Variants in C14orf132 observed in about 807,000 individuals in gnomAD.
The protein encoded by C14orf132 is uncharacterized protein C14orf132.
Under a neutral mutation model 5.8 loss-of-function variants are expected in C14orf132, and 6 were observed. The ratio of observed to expected loss-of-function variants is 1.03; its 90% CI spans 0.57 to 2.04. The LOEUF is 2.04. C14orf132 is among the 30% of genes most tolerant of loss of function. C14orf132 has a pLI of 0.00. For synonymous variants in C14orf132, 51 were observed against 49.8 expected (o/e 1.02, Z -0.10); for missense variants, 125 against 115.8 (o/e 1.08, Z -0.37).
Position 96,063,454 on chromosome 14 carries a change from A to G in C14orf132, c.28-23057A>G, listed in dbSNP as rs187742139. 1.3e-3 allele frequency among the ~76,000 whole-genome samples: 195 copies of G among 152,168 alleles called. 3 individuals carry two copies. The highest frequency in any genetic ancestry group is 4.5e-3 in the African/African-American group (188 of 41,466). Reference sequence around the variant, plus strand: ...CTCCCCAGTAGTTGAGACTACAGGCAAACGCCACCACGTCGGGCTAATTTT... The same window carrying G: ...CTCCCCAGTAGTTGAGACTACAGGCGAACGCCACCACGTCGGGCTAATTTT... On this transcript the variant is annotated intron_variant, in intron 1 of 1. Transcript: ENST00000555004.
At chr14:96,084,450 C>G (rs1181967427) in intron 1 of C14orf132, among the ~76,000 whole-genome samples, 1 of 152,152 alleles carries the variant, frequency 6.6e-6, no homozygotes, top group African/African-American at 2.4e-5. Flanking sequence ...GCAAAGGCAC[C>G]GATGATGTCG....
Position 96,039,731 on chromosome 14 carries a change from G to T in C14orf132, c.27+204G>T, listed in dbSNP as rs965576903. On this transcript the variant is annotated intron_variant, in intron 1 of 1. Transcript: ENST00000555004. The surrounding 1 kb of genome is among the most constrained non-coding windows in gnomAD (Gnocchi z 5.3). ...TCTCCCGGGGTGGGGCGGGCTGCGCGCCCCGCACCCCCGCGGCTCGAGCTG... is the reference window on the plus strand; with the variant it reads ...TCTCCCGGGGTGGGGCGGGCTGCGCTCCCCGCACCCCCGCGGCTCGAGCTG... Among the ~76,000 whole-genome samples, 1 of 152,110 alleles carries T rather than the reference G, an allele frequency of 6.6e-6. No individual in the cohort carries two copies. Among genetic ancestry groups the T allele is most frequent in the South Asian group, 2.1e-4 (1 of 4,824 alleles).
chr14:96,049,613 T>TATATATAC lies in C14orf132; in HGVS notation c.27+10091_27+10092insTACATATA, dbSNP rs1349681764. On this transcript the variant is annotated intron_variant, in intron 1 of 1. Coordinates refer to ENST00000555004, the MANE Select transcript of C14orf132 (RefSeq NM_001252507.3). ...ATACATATATACGTATATATATACA[T>TATATATAC]ATATACGTATATATATACATATATA... Among the ~76,000 whole-genome samples the TATATATAC allele has an allele frequency of 5.4e-5, 6 of 111,728 alleles. 1 individual carries two copies. Among genetic ancestry groups the TATATATAC allele is most frequent in the African/African-American group, 1.5e-4 (4 of 26,092 alleles). The allele number at this position is 111,728 out of a possible 152,430, so 73.3% of individuals were successfully genotyped here.
In C14orf132 at chr14:96,043,445, G is replaced by A. The variant is rs530308543; in HGVS notation, c.27+3918G>A. 9.9e-5 allele frequency among the ~76,000 whole-genome samples: 15 copies of A among 152,226 alleles called. No individual in the cohort carries two copies. In the South Asian group the frequency reaches 1.5e-3, roughly 15 times the overall value. ...TAACTCTCCTGTTAAAGCATGCCTCGGGTCTAAAAGCTCAACCTTCTTTTT... is the reference window on the plus strand; with the variant it reads ...TAACTCTCCTGTTAAAGCATGCCTCAGGTCTAAAAGCTCAACCTTCTTTTT... On this transcript the variant is annotated intron_variant, in intron 1 of 1. Coordinates refer to ENST00000555004, the MANE Select transcript of C14orf132 (RefSeq NM_001252507.3).
At chr14:96,043,616 G>A (rs1345034377) in intron 1 of C14orf132, among the ~76,000 whole-genome samples, 1 of 152,128 alleles carries the variant, frequency 6.6e-6, no homozygotes, top group Non-Finnish European at 1.5e-5. Context: ...AGGGGTGGGA[G>A]CCAGGCACCA....
rs1001335433 is a variant in C14orf132, at chr14:96,039,366, G to C, written c.-135G>C. Reference sequence around the variant, plus strand: ...GCCTAGTAGAGATCTGGAGCCAGAAGCCCAGAGACAGCCGAGTGCGCCGTG... The same window carrying C: ...GCCTAGTAGAGATCTGGAGCCAGAACCCCAGAGACAGCCGAGTGCGCCGTG... On this transcript the variant is annotated 5_prime_UTR_variant, in exon 1 of 2. Transcript: ENST00000555004. This position sits in a 1 kb window ranked among gnomAD's most constrained non-coding sequence, Gnocchi z 5.3. 3.7e-5 allele frequency: 28 copies of C among 763,790 alleles called. No homozygotes were observed. Among genetic ancestry groups the C allele is most frequent in the Non-Finnish European group, 4.4e-5 (25 of 569,182 alleles). 47.3% of individuals were successfully genotyped at this position (763,790 alleles called of 1,614,324 possible). A position where few individuals can be genotyped will look rare whatever the true frequency, so the allele number is the denominator to read the frequency against.
chr14:96,073,566 T>C (rs760565951), intron 1 of C14orf132, among the ~76,000 whole-genome samples: 4 of 152,222 alleles, frequency 2.6e-5, no homozygotes, highest in Non-Finnish European at 5.9e-5. Context: ...AGAAAAAGAA[T>C]GCTTTTATAC....
intron 1 of C14orf132, among the ~76,000 whole-genome samples, chr14:96,078,548 T>G (rs1451529829): frequency 6.6e-6 from 1 of 152,212 alleles, no homozygotes; most frequent in Non-Finnish European, 1.5e-5. Flanking sequence ...TTGCCTGGGC[T>G]TACTCTATCT....
In C14orf132 at chr14:96,074,228, T is replaced by C. The variant is rs145960887; in HGVS notation, c.28-12283T>C. On this transcript the variant is annotated intron_variant, in intron 1 of 1. Coordinates refer to ENST00000555004, the MANE Select transcript of C14orf132 (RefSeq NM_001252507.3). ...AACAAAGTGGGTTGTTTTCTTATTG[T>C]TGAGTTTTCAGTGTTCTTTATATAT... Among the ~76,000 whole-genome samples, 99 of 152,358 alleles carry C rather than the reference T, an allele frequency of 6.5e-4. 1 individual carries two copies. In the East Asian group the frequency reaches 0.016, roughly 25 times the overall value.
At chr14:96,077,624 G>A in intron 1 of C14orf132, among the ~76,000 whole-genome samples, 1 of 152,188 alleles carries the variant, frequency 6.6e-6, no homozygotes, top group Admixed American at 6.5e-5. Flanking sequence ...CCAGGACTGT[G>A]AGGATGTAAA....
At chr14:96,082,118 G>A (rs1009986907) in intron 1 of C14orf132, among the ~76,000 whole-genome samples, 9 of 152,084 alleles carry the variant, frequency 5.9e-5, no homozygotes, top group Admixed American at 1.3e-4. Flanking sequence ...TTAGGCTCAC[G>A]CCCCCAAATC....
At chr14:96,055,833 A>C (rs1020951182) in intron 1 of C14orf132, among the ~76,000 whole-genome samples, 1 of 152,062 alleles carries the variant, frequency 6.6e-6, no homozygotes. Context: ...TCCCTCCCCG[A>C]CTTAGTCCTC....
In C14orf132 at chr14:96,090,727, CG is replaced by C. The variant is rs552384750; in HGVS notation, c.*3993del. 2.2e-6 allele frequency: 1 copy of C among 455,948 alleles called. No individual in the cohort carries two copies. The highest frequency in any genetic ancestry group is 4.4e-6 in the Non-Finnish European group (1 of 226,800). The allele number at this position is 455,948 out of a possible 1,614,324, so 28.2% of individuals were successfully genotyped here. A position where few individuals can be genotyped will look rare whatever the true frequency, so the allele number is the denominator to read the frequency against. On this transcript the variant is annotated 3_prime_UTR_variant, in exon 2 of 2. Transcript: ENST00000555004. ...GATGGGAGGAGGGGCAGCAGCATTT[CG>C]CTGGAAAGGCAGCAGATGCTTTTCC...
intron 1 of C14orf132, among the ~76,000 whole-genome samples, chr14:96,078,512 G>T (rs936555818): frequency 2.0e-5 from 3 of 152,166 alleles, no homozygotes. Context: ...TTCTTGCCAG[G>T]GGCCTCGGCC....
intron 1 of C14orf132, among the ~76,000 whole-genome samples, chr14:96,073,049 T>C (rs1887757137): frequency 6.6e-6 from 1 of 152,220 alleles, no homozygotes; most frequent in Admixed American, 6.5e-5. Context: ...TTGTAAGAAC[T>C]GGCTAAACTG....
intron 1 of C14orf132, among the ~76,000 whole-genome samples, chr14:96,077,925 T>C (rs1467372293): frequency 1.3e-5 from 2 of 152,202 alleles, no homozygotes; most frequent in Non-Finnish European, 2.9e-5. Flanking sequence ...CAGTTTGGGG[T>C]GAGCCCAAAA....
chr14:96,087,756 G>T lies in C14orf132; in HGVS notation c.*1021G>T, dbSNP rs553179642. 6.6e-6 allele frequency: 1 copy of T among 152,118 alleles called. No individual in the cohort carries two copies. 9.4% of individuals were successfully genotyped at this position (152,118 alleles called of 1,614,324 possible). On this transcript the variant is annotated 3_prime_UTR_variant, in exon 2 of 2. Coordinates refer to ENST00000555004, the MANE Select transcript of C14orf132 (RefSeq NM_001252507.3). ...AGATTGGCAGGCTGCTCAGATACCC[G>T]TCCTTTACATTCAGTGTGGATACCG...
chr14:96,053,588 C>T (rs1261913599), intron 1 of C14orf132, among the ~76,000 whole-genome samples: 1 of 152,256 alleles, frequency 6.6e-6, no homozygotes, highest in African/African-American at 2.4e-5. Context: ...GCCCCCTCCT[C>T]TTCTGTGGTC....
rs1345138404 is a variant in C14orf132, at chr14:96,090,963, C to T, written c.*4228C>T. 4.4e-6 allele frequency: 2 copies of T among 456,030 alleles called. No homozygotes were observed. 28.2% of individuals were successfully genotyped at this position (456,030 alleles called of 1,614,324 possible). A position where few individuals can be genotyped will look rare whatever the true frequency, so the allele number is the denominator to read the frequency against. ...ATATTATTCCCAGTTATTATTCTTACCGGTGCCAGTTTTGCACATCTTTTT... is the reference window on the plus strand; with the variant it reads ...ATATTATTCCCAGTTATTATTCTTATCGGTGCCAGTTTTGCACATCTTTTT... On this transcript the variant is annotated 3_prime_UTR_variant, in exon 2 of 2. Transcript: ENST00000555004.
Sources: gnomAD v4.1 joint callset for allele counts (sites outside exome capture counted in the v4.1 genomes callset) on GRCh38, gnomAD v4.1.1 for gene constraint, Gnocchi (gnomAD v3.1) non-coding constraint, MANE v1.5 for transcripts, NCBI Gene and HGNC (gene_info 2026-07-23, HGNC 2026-07-21) for gene names.